ADGRL3: variants seen among roughly 807,000 people sequenced by gnomAD.
The protein encoded by ADGRL3 is calcium-independent alpha-latrotoxin receptor 3.
A neutral mutation model predicts 153.5 loss-of-function variants in ADGRL3; 62 were observed. The ratio of observed to expected loss-of-function variants is 0.40; its 90% CI spans 0.33 to 0.50. The LOEUF (loss-of-function observed/expected upper bound fraction) is 0.50. Among genes scored for constraint, ADGRL3 ranks in the 20% least tolerant of loss-of-function variants. ADGRL3 has a pLI of 0.47. For synonymous variants in ADGRL3, 710 were observed against 672.5 expected (o/e 1.06, Z -0.86); for missense variants, 1,641 against 1,859.4 (o/e 0.88, Z 2.16).
Position 61,423,426 on chromosome 4 carries a change from G to A in ADGRL3, c.-174+40237G>A, listed in dbSNP as rs369659226. On this transcript the variant is annotated intron_variant, in intron 2 of 26. Transcript: ENST00000683033. ...TGTGGATAGGATTAATAGAAGACAA[G>A]ATGGGAAAGTGTATAGGAGTTTAAC... is the stretch of plus-strand genomic sequence containing the variant. Among the ~76,000 whole-genome samples, 52 of 152,334 alleles carry A rather than the reference G, an allele frequency of 3.4e-4. No individual in the cohort carries two copies. The South Asian group carries it at 7.5e-3, about 22-fold the overall frequency.
At chr4:61,526,428 T>C (rs1579340577) in intron 4 of ADGRL3, among the ~76,000 whole-genome samples, 1 of 152,048 alleles carries the variant, frequency 6.6e-6, no homozygotes, top group Non-Finnish European at 1.5e-5. Flanking sequence ...TTTTGATCAT[T>C]GGTTAATTGT....
At chr4:61,876,525 A>G (rs562453129) in intron 9 of ADGRL3, among the ~76,000 whole-genome samples, 4 of 152,210 alleles carry the variant, frequency 2.6e-5, no homozygotes, top group Non-Finnish European at 5.9e-5. Context: ...AAGTAATCCA[A>G]AAATGACAAT....
intron 2 of ADGRL3, among the ~76,000 whole-genome samples, chr4:61,462,204 A>G (rs1255407129): frequency 6.6e-6 from 1 of 152,162 alleles, no homozygotes; most frequent in Non-Finnish European, 1.5e-5. Context: ...GTTACAGCCT[A>G]TGTATTGAGA....
chr4:61,505,283 T>G (rs536243521), intron 3 of ADGRL3, among the ~76,000 whole-genome samples: 4 of 152,342 alleles, frequency 2.6e-5, no homozygotes, highest in African/African-American at 9.6e-5. Context: ...TTTTGCTCAT[T>G]TTAAAATCAG....
intron 1 of ADGRL3, among the ~76,000 whole-genome samples, chr4:61,215,129 TCTG>T (rs1296607426): frequency 6.6e-6 from 1 of 152,204 alleles, no homozygotes; most frequent in African/African-American, 2.4e-5. Flanking sequence ...CTTTGAGACT[TCTG>T]CTTCCAATTG....
At chr4:61,315,495 T>C (rs1269777435) in intron 1 of ADGRL3, among the ~76,000 whole-genome samples, 1 of 152,164 alleles carries the variant, frequency 6.6e-6, no homozygotes, top group Admixed American at 6.5e-5. Context: ...AAGTTCCTTC[T>C]ATGAGGTCAG....
intron 8 of ADGRL3, among the ~76,000 whole-genome samples, chr4:61,750,662 C>T (rs111560635): frequency 0.085 from 12,715 of 150,248 alleles, 1,113 homozygotes; most frequent in African/African-American, 0.23. Flanking sequence ...TAGTGGCGGG[C>T]GCCTGTAGTC....
chr4:61,404,674 T>A (rs979521753), intron 2 of ADGRL3, among the ~76,000 whole-genome samples: 7 of 152,062 alleles, frequency 4.6e-5, no homozygotes, highest in African/African-American at 1.7e-4. Context: ...ATTATAAAAA[T>A]CTTTATGCTA....
chr4:61,899,508 G>GA (rs1361448339), intron 11 of ADGRL3, among the ~76,000 whole-genome samples: 3 of 151,028 alleles, frequency 2.0e-5, no homozygotes, highest in Non-Finnish European at 3.0e-5. Context: ...AAACACAGGT[G>GA]AAAAAAAACC....
chr4:61,281,944 G>T (rs377674351), intron 1 of ADGRL3, among the ~76,000 whole-genome samples: 6 of 152,006 alleles, frequency 3.9e-5, no homozygotes, highest in East Asian at 1.9e-4. Context: ...CACCCATTTT[G>T]TTTCTCTGTA....
intron 25 of ADGRL3, among the ~76,000 whole-genome samples, chr4:62,055,054 T>C (rs560083811): frequency 9.2e-5 from 14 of 151,804 alleles, no homozygotes; most frequent in Admixed American, 2.6e-4. Flanking sequence ...TTAGGCAATA[T>C]GTTACTTCAA....
At chr4:61,209,521 T>C (rs1738902868) in intron 1 of ADGRL3, among the ~76,000 whole-genome samples, 1 of 152,134 alleles carries the variant, frequency 6.6e-6, no homozygotes, top group Admixed American at 6.5e-5. Context: ...AATTGAAGAG[T>C]TCTTGATGAG....
At chr4:61,700,251 T>C (rs1225944127) in intron 6 of ADGRL3, among the ~76,000 whole-genome samples, 1 of 152,172 alleles carries the variant, frequency 6.6e-6, no homozygotes, top group Non-Finnish European at 1.5e-5. Flanking sequence ...AAAGTATACA[T>C]AATTACTTTA....
At position 61,773,704 on chromosome 4, in the gene ADGRL3, A is replaced by G. The variant is rs370832876; in HGVS notation, c.1400-40105A>G. On this transcript the variant is annotated intron_variant, in intron 8 of 26. Transcript: ENST00000683033. ...CTTAGGTTCATTGGTGGGGCCCAGCAAATTAGACTGACAAAAGACAGATTA... is the reference window on the plus strand; with the variant it reads ...CTTAGGTTCATTGGTGGGGCCCAGCGAATTAGACTGACAAAAGACAGATTA... 3.3e-4 allele frequency among the ~76,000 whole-genome samples: 50 copies of G among 152,340 alleles called. No homozygotes were observed. In the East Asian group the frequency reaches 8.1e-3, roughly 25 times the overall value.
intron 8 of ADGRL3, among the ~76,000 whole-genome samples, chr4:61,755,423 A>C (rs1253118895): frequency 4.6e-5 from 7 of 152,202 alleles, no homozygotes; most frequent in Non-Finnish European, 1.0e-4. Context: ...TCTTCTTTTG[A>C]GAAGTGTCTG....
At chr4:61,900,913 G>A (rs149574478) in intron 11 of ADGRL3, among the ~76,000 whole-genome samples, 4 of 152,222 alleles carry the variant, frequency 2.6e-5, no homozygotes, top group African/African-American at 7.2e-5. Flanking sequence ...CAAAATACCC[G>A]ATTTCTCACC....
At chr4:61,714,868 C>T (rs1018783784) in intron 6 of ADGRL3, among the ~76,000 whole-genome samples, 5 of 152,132 alleles carry the variant, frequency 3.3e-5, no homozygotes, top group Non-Finnish European at 5.9e-5. Flanking sequence ...CTACCTGAAT[C>T]AAAGTTCTTG....
chr4:61,652,268 A>G (rs1222866219), intron 5 of ADGRL3, among the ~76,000 whole-genome samples: 1 of 152,150 alleles, frequency 6.6e-6, no homozygotes, highest in Non-Finnish European at 1.5e-5. Context: ...GATTTTGTTC[A>G]TATTATTTCA....
intron 9 of ADGRL3, among the ~76,000 whole-genome samples, chr4:61,860,514 G>A (rs553735952): frequency 3.9e-5 from 6 of 152,000 alleles, no homozygotes; most frequent in South Asian, 2.1e-4. Flanking sequence ...TCTCTGGATC[G>A]GTGTGGAGTA....
Sources: allele counts gnomAD v4.1 joint callset (sites outside exome capture counted in the v4.1 genomes callset), GRCh38; gene constraint gnomAD v4.1.1; transcripts MANE v1.5; gene names NCBI Gene and HGNC (gene_info 2026-07-23, HGNC 2026-07-21).